The following LSM14B variants were observed in gnomAD, a reference collection of about 807,000 sequenced individuals.
The protein encoded by LSM14B is protein LSM14 homolog B.
In LSM14B, 8 loss-of-function variants were observed where a neutral mutation model predicts 42.1. The observed-to-expected ratio is 0.19, with a 90% CI of 0.11 to 0.34. The LOEUF (loss-of-function observed/expected upper bound fraction) is 0.34. LSM14B is among the 10% of genes least tolerant of loss of function. The pLI, the probability that LSM14B is intolerant of heterozygous loss-of-function variation, is 1.00. For missense variants in LSM14B, 396 were observed against 513.1 expected (o/e 0.77, Z 2.21); for synonymous variants, 219 against 209.7 (o/e 1.04, Z -0.38).
At chr20:62,132,926 G>T (rs1027790308) in intron 7 of LSM14B, among the ~76,000 whole-genome samples, 1 of 152,160 alleles carries the variant, frequency 6.6e-6, no homozygotes, top group South Asian at 2.1e-4. Context: ...TGTCTAGGAG[G>T]GTCCACTTCA....
intron 3 of LSM14B, among the ~76,000 whole-genome samples, chr20:62,128,683 A>G (rs191902861): frequency 6.6e-6 from 1 of 152,332 alleles, no homozygotes; most frequent in East Asian, 1.9e-4. Context: ...TCTCCCGGAC[A>G]TGCTGAGTGA....
rs1435736310 is a variant in LSM14B at position 62,122,942 on chromosome 20, G to C, written c.127+149G>C. ...GGGCACACCCGGCCCGAGATCCCCT[G>C]CCCGCGCCTTCACCCCGGACGCCCC... is the stretch of plus-strand genomic sequence containing the variant. On this transcript the variant is annotated intron_variant, in intron 1 of 8. Transcript: ENST00000279068. The surrounding 1 kb of genome is among the most constrained non-coding windows in gnomAD (Gnocchi z 4.6). The C allele has an allele frequency of 1.5e-6, 1 of 673,198 alleles. No individual in the cohort carries two copies. Among genetic ancestry groups the C allele is most frequent in the Non-Finnish European group, 2.0e-6 (1 of 494,604 alleles). The allele number at this position is 673,198 out of a possible 1,614,324, so 41.7% of individuals were successfully genotyped here. A position where few individuals can be genotyped will look rare whatever the true frequency, so the allele number is the denominator to read the frequency against.
intron 2 of LSM14B, 31 bp downstream of exon 2, chr20:62,124,811 T>C: frequency 1.9e-6 from 3 of 1,583,848 alleles, no homozygotes; most frequent in East Asian, 2.3e-5. Context: ...CTGTGCATGC[T>C]GTAGGAGATG....
chr20:62,122,783 G>A lies in LSM14B; in HGVS notation c.117G>A (p.Ala39=). The change falls in exon 1 of 9, where the codon GCG becomes GCA. Residue 39 remains alanine, a synonymous_variant. Coordinates refer to ENST00000279068, the MANE Select transcript of LSM14B (RefSeq NM_144703.3). This position sits in a 1 kb window ranked among gnomAD's most constrained non-coding sequence, Gnocchi z 4.6. ...YTIDTDNSTV[A]LAKVRSFGTE... is the part of the protein sequence containing the mutation. ...TCGACACCGACAACTCCACCGTGGC[G>A]CTCGCCAAAGGTAGCGGCCGCCGCC... 6.7e-7 allele frequency: 1 copy of A among 1,501,568 alleles called. No homozygotes were observed. Among genetic ancestry groups the A allele is most frequent in the Non-Finnish European group, 8.9e-7 (1 of 1,118,696 alleles). The allele number at this position is 1,501,568 out of a possible 1,614,324, so 93.0% of individuals were successfully genotyped here.
intron 3 of LSM14B, chr20:62,127,771 A>T: frequency 9.5e-7 from 1 of 1,058,050 alleles, no homozygotes; most frequent in Non-Finnish European, 1.4e-6. Flanking sequence ...AAAGCAGCAG[A>T]CAGAATGACA....
intron 3 of LSM14B, chr20:62,128,903 A>G (rs745785443): frequency 7.9e-6 from 10 of 1,265,032 alleles, no homozygotes; most frequent in Non-Finnish European, 1.0e-5. Flanking sequence ...TGTTCGTCTA[A>G]TAATAATTAC....
rs150401648 is a variant in LSM14B, at chr20:62,132,117, C to T, written c.986+611C>T. ...GGGCCTCAGAAGGCAGGCTGGAGAG[C>T]GCCACCTCTTCAGGTTCATGTTCTG... On this transcript the variant is annotated intron_variant, in intron 7 of 8. Transcript: ENST00000279068. 6.9e-4 allele frequency among the ~76,000 whole-genome samples: 105 copies of T among 152,284 alleles called. 2 individuals carry two copies. In the East Asian group the frequency reaches 0.019, roughly 28 times the overall value.
intron 2 of LSM14B, 168 bp from the exon 3 acceptor site, chr20:62,126,136 G>A (rs755824664): frequency 1.2e-4 from 100 of 821,950 alleles, no homozygotes; most frequent in Non-Finnish European, 1.8e-4. Flanking sequence ...CTGTGGAAAA[G>A]GCAGCTCTCA....
intron 7 of LSM14B, among the ~76,000 whole-genome samples, chr20:62,131,793 T>C (rs1028775229): frequency 5.9e-5 from 9 of 152,354 alleles, no homozygotes; most frequent in Non-Finnish European, 1.3e-4. Flanking sequence ...GGCAGACCCG[T>C]GTCCACATTC....
intron 8 of LSM14B, 41 bp downstream of exon 8, chr20:62,133,516 T>C: frequency 1.3e-6 from 2 of 1,585,506 alleles, no homozygotes; most frequent in Non-Finnish European, 1.7e-6. Flanking sequence ...TGGGAGGGTG[T>C]AGGGTCAGGC....
At chr20:62,128,053 C>T in intron 3 of LSM14B, 2 of 559,284 alleles carry the variant, frequency 3.6e-6, no homozygotes, top group South Asian at 2.1e-5. Flanking sequence ...GGGGGACTCC[C>T]CAAAGCACCT....
chr20:62,127,759 G>A (rs2056647824), intron 3 of LSM14B: 2 of 1,191,474 alleles, frequency 1.7e-6, no homozygotes, highest in South Asian at 1.3e-5. Flanking sequence ...AGAGCGAGGG[G>A]TAAAGCAGCA....
At chr20:62,123,751 A>T (rs1269083891) in intron 1 of LSM14B, among the ~76,000 whole-genome samples, 5 of 152,206 alleles carry the variant, frequency 3.3e-5, no homozygotes, top group Non-Finnish European at 5.9e-5. Context: ...GGTCACAGGG[A>T]ACTTCATGTG....
At chr20:62,125,273 G>C (rs1001108469) in intron 2 of LSM14B, among the ~76,000 whole-genome samples, 1 of 152,252 alleles carries the variant, frequency 6.6e-6, no homozygotes, top group African/African-American at 2.4e-5. Flanking sequence ...CACACAGTAG[G>C]TGGTGTGTGC....
intron 3 of LSM14B, chr20:62,127,880 A>C: frequency 1.4e-6 from 1 of 712,710 alleles, no homozygotes; most frequent in South Asian, 1.5e-5. Flanking sequence ...GTGTTAAAGA[A>C]GGGATTACGA....
At position 62,129,923 on chromosome 20, in the gene LSM14B, A is replaced by G; in HGVS notation, c.566A>G (p.Gln189Arg). ...ACAGGGACGCAGCTCAACGGTCGTC[A>G]GGCCCAGCCGAGCAGCAAGACGGCC... ...GTTGTQLNGR[Q>R]AQPSSKTASD... The change falls in exon 4 of 9, where the codon CAG (glutamine) becomes CGG (arginine). Residue 189 changes from glutamine to arginine, a missense_variant. Gln to Arg is a conservative substitution (Grantham distance 43). Around this residue, in one of 3 missense-constraint regions of LSM14B, gnomAD observed 274 missense variants for 335.8 expected, o/e 0.82. Transcript: ENST00000279068. The G allele has an allele frequency of 6.2e-7, 1 of 1,613,344 alleles. No individual in the cohort carries two copies. The highest frequency in any genetic ancestry group is 2.2e-5 in the East Asian group (1 of 44,876).
At chr20:62,125,617 T>C (rs1447385961) in intron 2 of LSM14B, among the ~76,000 whole-genome samples, 11 of 152,240 alleles carry the variant, frequency 7.2e-5, no homozygotes. Context: ...CAGATTAATA[T>C]TTTCTTCACT....
chr20:62,128,211 G>C (rs943347061), intron 3 of LSM14B, among the ~76,000 whole-genome samples: 1 of 152,240 alleles, frequency 6.6e-6, no homozygotes, highest in Non-Finnish European at 1.5e-5. Context: ...TACACCACCT[G>C]TCTCTGTGCT....
Position 62,129,990 on chromosome 20 carries a change from T to C in LSM14B, c.595+38T>C, listed in dbSNP as rs377626717. On this transcript the variant is annotated intron_variant, in intron 4 of 8. Transcript: ENST00000279068. ...ATCATTTCCTGGAGTTTGCTTGATG[T>C]TCTAAAAGTGGCACACTACTTCCTG... 47 of 1,569,362 alleles carry C rather than the reference T, an allele frequency of 3.0e-5. No homozygotes were observed. The African/African-American group carries it at 5.6e-4, about 19-fold the overall frequency.
Sources: allele counts gnomAD v4.1 joint callset (sites outside exome capture counted in the v4.1 genomes callset), GRCh38; gene constraint gnomAD v4.1.1; regional missense constraint gnomAD v4.1.1; non-coding constraint Gnocchi (gnomAD v3.1); transcripts MANE v1.5; gene names NCBI Gene and HGNC (gene_info 2026-07-23, HGNC 2026-07-21).